TM4SF20: variants seen among roughly 807,000 people sequenced by gnomAD.
TM4SF20 encodes the protein transmembrane 4 L six family member 20.
Under a neutral mutation model 15.1 loss-of-function variants are expected in TM4SF20, and 13 were observed. The observed-to-expected ratio is 0.86, with a 90% CI of 0.56 to 1.36. The LOEUF (loss-of-function observed/expected upper bound fraction) is 1.36, where lower values mean the gene tolerates loss of function less well. Among genes scored for constraint, TM4SF20 ranks in the 40% most tolerant of loss-of-function variants. TM4SF20 has a pLI of 0.00. For synonymous variants in TM4SF20, 92 were observed against 96.6 expected (o/e 0.95, Z 0.28); for missense variants, 282 against 268.4 (o/e 1.05, Z -0.35).
chr2:227,372,142 C>T (rs915347426), intron 1 of TM4SF20, among the ~76,000 whole-genome samples: 1 of 152,152 alleles, frequency 6.6e-6, no homozygotes, highest in Non-Finnish European at 1.5e-5. Context: ...TCTCCTTCTA[C>T]TCTCATTCTC....
chr2:227,366,160 C>T lies in TM4SF20; in HGVS notation c.334G>A (p.Gly112Ser), dbSNP rs1227461270. The change falls in exon 3 of 4, where the codon GGT becomes AGT. Residue 112 changes from glycine to serine, a missense_variant. Coordinates refer to ENST00000304568, the MANE Select transcript of TM4SF20 (RefSeq NM_024795.4). ...CTTGGAGAATTACACATGAGAGGAC[C>T]TTTTAAGAGAGCCTGGATGGATATC... ...MLISIQALLK[G>S]PLMCNSPSNS... 1.2e-6 allele frequency: 2 copies of T among 1,613,886 alleles called. No homozygotes were observed. Among genetic ancestry groups the T allele is most frequent in the African/African-American group, 1.3e-5 (1 of 74,882 alleles).
At chr2:227,364,671 G>T (rs777871937) in intron 3 of TM4SF20, among the ~76,000 whole-genome samples, 48 of 152,140 alleles carry the variant, frequency 3.2e-4, no homozygotes, top group Non-Finnish European at 1.5e-4. Context: ...AGTATTTTCA[G>T]CACATGGAAT....
chr2:227,363,508 G>T lies in TM4SF20; in HGVS notation c.*216C>A. ...CCCTTCTCCTTTCTCTACACACAGTGAAGAGGTAAAAAATTTGAATAGTAC... is the reference window on the plus strand; with the variant it reads ...CCCTTCTCCTTTCTCTACACACAGTTAAGAGGTAAAAAATTTGAATAGTAC... On this transcript the variant is annotated 3_prime_UTR_variant, in exon 4 of 4. Transcript: ENST00000304568. 2.1e-6 allele frequency: 1 copy of T among 486,164 alleles called. No homozygotes were observed. Among genetic ancestry groups the T allele is most frequent in the East Asian group, 3.5e-5 (1 of 28,330 alleles). 30.1% of individuals were successfully genotyped at this position (486,164 alleles called of 1,614,324 possible). A position where few individuals can be genotyped will look rare whatever the true frequency, so the allele number is the denominator to read the frequency against.
chr2:227,365,955 G>T, intron 3 of TM4SF20, 138 bp downstream of exon 3: 2 of 777,922 alleles, frequency 2.6e-6, no homozygotes, highest in Non-Finnish European at 4.0e-6. Flanking sequence ...TGGCGTTAAT[G>T]TACTAAAATT....
intron 3 of TM4SF20, among the ~76,000 whole-genome samples, chr2:227,365,729 G>A (rs1255791644): frequency 6.6e-6 from 1 of 152,032 alleles, no homozygotes; most frequent in Non-Finnish European, 1.5e-5. Flanking sequence ...TCTCATAAAG[G>A]GAATCCCCTA....
chr2:227,371,772 G>A (rs544322760), intron 1 of TM4SF20, among the ~76,000 whole-genome samples: 1 of 152,282 alleles, frequency 6.6e-6, no homozygotes, highest in African/African-American at 2.4e-5. Context: ...CGGCTATCTT[G>A]CTGGTTTCCC....
intron 2 of TM4SF20, among the ~76,000 whole-genome samples, chr2:227,370,514 T>C (rs772561451): frequency 1.3e-5 from 2 of 152,158 alleles, no homozygotes; most frequent in Non-Finnish European, 2.9e-5. Flanking sequence ...CCCAGCACTT[T>C]GGGAGGCCGA....
chr2:227,380,127 G>A (rs1439840311), upstream of TM4SF20, among the ~76,000 whole-genome samples: 1 of 152,200 alleles, frequency 6.6e-6, no homozygotes, highest in East Asian at 1.9e-4. Context: ...TCAGGAGTTC[G>A]AGATCAGTCT....
chr2:227,377,292 A>T (rs1046977341), intron 1 of TM4SF20, among the ~76,000 whole-genome samples: 8 of 152,224 alleles, frequency 5.3e-5, no homozygotes, highest in African/African-American at 1.9e-4. Context: ...AAGCAAATGC[A>T]AAAGAGGCTT....
chr2:227,375,769 A>T (rs56002911), intron 1 of TM4SF20, among the ~76,000 whole-genome samples: 1 of 152,124 alleles, frequency 6.6e-6, no homozygotes, highest in South Asian at 2.1e-4. Context: ...GATTACAGAC[A>T]TGAGCCACCG....
chr2:227,372,067 T>G (rs1251240385), intron 1 of TM4SF20, among the ~76,000 whole-genome samples: 2 of 152,206 alleles, frequency 1.3e-5, no homozygotes, highest in African/African-American at 2.4e-5. Flanking sequence ...TTCCTTCCGC[T>G]TGAGAAATTT....
intron 1 of TM4SF20, among the ~76,000 whole-genome samples, chr2:227,371,389 A>G (rs548549619): frequency 6.6e-6 from 1 of 152,322 alleles, no homozygotes; most frequent in East Asian, 1.9e-4. Flanking sequence ...TACCCAGGCC[A>G]GAGTGCAGTG....
intron 2 of TM4SF20, among the ~76,000 whole-genome samples, chr2:227,368,519 T>TTTTATA (rs1399013623): frequency 1.3e-5 from 2 of 151,438 alleles, no homozygotes; most frequent in Non-Finnish European, 2.9e-5. Context: ...CCTGGCTAAT[T>TTTTATA]TTTTTATTTT....
At chr2:227,365,100 G>A (rs2076385834) in intron 3 of TM4SF20, among the ~76,000 whole-genome samples, 1 of 152,222 alleles carries the variant, frequency 6.6e-6, no homozygotes, top group South Asian at 2.1e-4. Context: ...CAGTAGTGAT[G>A]CAGTTTCACC....
At chr2:227,370,768 A>G in intron 2 of TM4SF20, 147 bp downstream of exon 2, 1 of 696,706 alleles carries the variant, frequency 1.4e-6, no homozygotes, top group Non-Finnish European at 2.6e-6. Flanking sequence ...TAAATAAATA[A>G]ATAAAAATAG....
intron 1 of TM4SF20, among the ~76,000 whole-genome samples, chr2:227,378,642 T>C (rs529805395): frequency 5.3e-5 from 8 of 152,320 alleles, no homozygotes; most frequent in Middle Eastern, 6.8e-3. Flanking sequence ...GTAATTACCA[T>C]CACCCAGGCT....
chr2:227,381,503 TTA>T (rs1480195686), upstream of TM4SF20: 4 of 152,140 alleles, frequency 2.6e-5, no homozygotes, highest in East Asian at 7.7e-4. Flanking sequence ...GTCATATAAA[TTA>T]TCTCATTCTA....
intron 3 of TM4SF20, among the ~76,000 whole-genome samples, chr2:227,364,998 C>T (rs1025923369): frequency 4.6e-5 from 7 of 152,218 alleles, no homozygotes; most frequent in Non-Finnish European, 1.0e-4. Flanking sequence ...GCAACCTCCG[C>T]CTCCTGGGTT....
At chr2:227,368,558 G>T (rs1010614222) in intron 2 of TM4SF20, among the ~76,000 whole-genome samples, 1 of 151,150 alleles carries the variant, frequency 6.6e-6, no homozygotes, top group African/African-American at 2.4e-5. Flanking sequence ...TAGAGACAGG[G>T]TTTCACCATA....
Sources: gnomAD v4.1 joint callset for allele counts (sites outside exome capture counted in the v4.1 genomes callset) on GRCh38, gnomAD v4.1.1 for gene constraint, MANE v1.5 for transcripts, NCBI Gene and HGNC (gene_info 2026-07-23, HGNC 2026-07-21) for gene names.